Variants in TAFA5 observed in about 807,000 individuals in gnomAD.
TAFA5 encodes the protein chemokine-like protein TAFA-5.
In TAFA5, 6 loss-of-function variants were observed where a neutral mutation model predicts 15.3. That is an observed-to-expected ratio of 0.39 (90% CI 0.21 to 0.77). The LOEUF (loss-of-function observed/expected upper bound fraction) is 0.77, where lower values mean the gene tolerates loss of function less well. TAFA5 is among the 30% of genes least tolerant of loss of function. The pLI is 0.41. For missense variants in TAFA5, 161 were observed against 193.1 expected, an observed-to-expected ratio of 0.83 and a Z score of 0.98; for synonymous variants, 103 against 80.7, an observed-to-expected ratio of 1.28 and a Z score of -1.48.
chr22:48,531,962 G>C (rs577629751), intron 1 of TAFA5, among the ~76,000 whole-genome samples: 1 of 152,258 alleles, frequency 6.6e-6, no homozygotes, highest in African/African-American at 2.4e-5. Context: ...TGCCGGCACA[G>C]CTGGTGACGC....
At chr22:48,576,629 T>C (rs930444681) in intron 1 of TAFA5, 13 of 1,305,922 alleles carry the variant, frequency 1.0e-5, no homozygotes, top group African/African-American at 9.2e-5. Flanking sequence ...TCGCGGCGGC[T>C]CCGGCGCCCG....
chr22:48,582,575 A>G (rs1185665482), intron 1 of TAFA5, among the ~76,000 whole-genome samples: 2 of 150,648 alleles, frequency 1.3e-5, no homozygotes, highest in East Asian at 2.0e-4. Flanking sequence ...CACACAAAAT[A>G]CGCCACATAC....
At position 48,544,174 on chromosome 22, in the gene TAFA5, C is replaced by T. The variant is rs140633126; in HGVS notation, c.112+54470C>T. Reference sequence around the variant, plus strand: ...GTGTGCACCCTGGGGTGGGGTCTTCCCTTCAGGTCCCATGGTTTACATACC... The same window carrying T: ...GTGTGCACCCTGGGGTGGGGTCTTCTCTTCAGGTCCCATGGTTTACATACC... On this transcript the variant is annotated intron_variant, in intron 1 of 3. Transcript: ENST00000402357. 2.3e-3 allele frequency: 385 copies of T among 164,558 alleles called. 1 individual carries two copies. Among genetic ancestry groups the T allele is most frequent in the African/African-American group, 8.7e-3 (366 of 42,144 alleles). 10.2% of individuals were successfully genotyped at this position (164,558 alleles called of 1,614,324 possible).
intron 1 of TAFA5, among the ~76,000 whole-genome samples, chr22:48,600,228 G>T (rs1375280224): frequency 6.6e-6 from 1 of 152,216 alleles, no homozygotes; most frequent in African/African-American, 2.4e-5. Context: ...GATAAGTGAG[G>T]ATGTGGTGAA....
chr22:48,544,115 G>T (rs1358500245), intron 1 of TAFA5: 2 of 155,706 alleles, frequency 1.3e-5, no homozygotes, highest in East Asian at 3.9e-4. Context: ...CCGTTGGCCA[G>T]AGCTGTCAGC....
intron 1 of TAFA5, among the ~76,000 whole-genome samples, chr22:48,584,816 C>T (rs1186272149): frequency 6.6e-6 from 1 of 150,526 alleles, no homozygotes; most frequent in Non-Finnish European, 1.5e-5. Context: ...ATACAGCACA[C>T]ACGCATACAC....
Position 48,707,778 on chromosome 22 carries a change from C to T in TAFA5, c.324C>T (p.Cys108=), listed in dbSNP as rs372988376. 1.5e-4 allele frequency: 239 copies of T among 1,613,910 alleles called. No individual in the cohort carries two copies. The African/African-American group carries it at 2.3e-3, about 16-fold the overall frequency. The change falls in exon 3 of 4, where the codon TGC becomes TGT. Residue 108 remains cysteine, a synonymous_variant. Coordinates refer to ENST00000402357, the MANE Select transcript of TAFA5 (RefSeq NM_001082967.3). ...TTCCGTGTCTGGAGGGGGAAGGCTG[C>T]GACTTGTTAATCAACCGGTCAGGCT... ...DMLPCLEGEG[C]DLLINRSGWT... is the part of the protein sequence containing the mutation.
At chr22:48,674,888 A>T (rs1280762420) in intron 2 of TAFA5, among the ~76,000 whole-genome samples, 1 of 151,324 alleles carries the variant, frequency 6.6e-6, no homozygotes, top group Admixed American at 6.6e-5. Context: ...GACAGAGACG[A>T]GGCTGAGATA....
chr22:48,634,683 AATCAC>A (rs1926381862), intron 1 of TAFA5, among the ~76,000 whole-genome samples: 2 of 152,110 alleles, frequency 1.3e-5, no homozygotes, highest in Non-Finnish European at 2.9e-5. Flanking sequence ...TCACTCAGTC[AATCAC>A]TCAGTCAGTC....
chr22:48,577,187 G>A (rs1923843644), intron 1 of TAFA5, among the ~76,000 whole-genome samples: 1 of 152,264 alleles, frequency 6.6e-6, no homozygotes, highest in South Asian at 2.1e-4. Flanking sequence ...GGGCAGTCTG[G>A]GACTATTGAG....
chr22:48,605,618 C>A (rs1023001597), intron 1 of TAFA5, among the ~76,000 whole-genome samples: 1 of 152,082 alleles, frequency 6.6e-6, no homozygotes, highest in African/African-American at 2.4e-5. Context: ...ATTTTACCTG[C>A]GAGATATCTG....
intron 1 of TAFA5, among the ~76,000 whole-genome samples, chr22:48,579,924 C>G (rs1179705071): frequency 2.0e-5 from 3 of 152,186 alleles, no homozygotes; most frequent in African/African-American, 7.2e-5. Flanking sequence ...GTGCCTCTTT[C>G]CTTTAAATGT....
chr22:48,688,005 G>GA (rs1202409263), intron 2 of TAFA5, among the ~76,000 whole-genome samples: 2 of 149,186 alleles, frequency 1.3e-5, no homozygotes, highest in Admixed American at 1.3e-4. Flanking sequence ...TGATTAGAGG[G>GA]TTTTTTTTTT....
At chr22:48,525,214 T>C (rs888961935) in intron 1 of TAFA5, among the ~76,000 whole-genome samples, 2 of 152,132 alleles carry the variant, frequency 1.3e-5, no homozygotes, top group African/African-American at 4.8e-5. Flanking sequence ...ATTCACAGGC[T>C]CCAGAGATTA....
rs190962713 is a variant in TAFA5 at position 48,524,658 on chromosome 22, G to A, written c.112+34954G>A. Among the ~76,000 whole-genome samples the A allele has an allele frequency of 6.1e-4, 93 of 152,266 alleles. No individual in the cohort carries two copies. In the South Asian group the frequency reaches 8.1e-3, roughly 13 times the overall value. ...TGGTTAGTTCTCACACGCAGGATCC[G>A]GCACACACGCCATCTCGACAAGGAT... On this transcript the variant is annotated intron_variant, in intron 1 of 3. Transcript: ENST00000402357.
At chr22:48,617,655 T>G (rs1344245034) in intron 1 of TAFA5, among the ~76,000 whole-genome samples, 3 of 152,218 alleles carry the variant, frequency 2.0e-5, no homozygotes, top group East Asian at 3.9e-4. Flanking sequence ...AGAGTCTGTC[T>G]CCGCGTCTAT....
chr22:48,550,696 C>T lies in TAFA5; in HGVS notation c.112+60992C>T, dbSNP rs562309146. Reference sequence around the variant, plus strand: ...AGGTGAGGTGGCTTGCCTGGGACCACACAGTGGTTGGGTGTGGAGTCCGGA... The same window carrying T: ...AGGTGAGGTGGCTTGCCTGGGACCATACAGTGGTTGGGTGTGGAGTCCGGA... On this transcript the variant is annotated intron_variant, in intron 1 of 3. Coordinates refer to ENST00000402357, the MANE Select transcript of TAFA5 (RefSeq NM_001082967.3). This position sits in a 1 kb window ranked among gnomAD's most constrained non-coding sequence, Gnocchi z 4.1. Among the ~76,000 whole-genome samples, 14 of 152,260 alleles carry T rather than the reference C, an allele frequency of 9.2e-5. No homozygotes were observed. The highest frequency in any genetic ancestry group is 3.4e-4 in the African/African-American group (14 of 41,554).
At chr22:48,692,566 AC>A (rs1465124566) in intron 2 of TAFA5, among the ~76,000 whole-genome samples, 1 of 152,194 alleles carries the variant, frequency 6.6e-6, no homozygotes, top group Non-Finnish European at 1.5e-5. Context: ...GCCTGCCCTT[AC>A]CTGGTTTTTG....
rs554226385 is a variant in TAFA5 at position 48,749,741 on chromosome 22, G to A, written c.391-98G>A. ...TTCGTTTCAGGCCCTCCAGGAGGCCGGCTGGCAGGAGCCGGGGAGGGAAGA... is the reference window on the plus strand; with the variant it reads ...TTCGTTTCAGGCCCTCCAGGAGGCCAGCTGGCAGGAGCCGGGGAGGGAAGA... On this transcript the variant is annotated intron_variant, in intron 3 of 3. Coordinates refer to ENST00000402357, the MANE Select transcript of TAFA5 (RefSeq NM_001082967.3). 24 of 1,416,460 alleles carry A rather than the reference G, an allele frequency of 1.7e-5. No individual in the cohort carries two copies. The South Asian group carries it at 2.1e-4, about 12-fold the overall frequency. The allele number at this position is 1,416,460 out of a possible 1,614,324, so 87.7% of individuals were successfully genotyped here.
Sources: allele counts gnomAD v4.1 joint callset (sites outside exome capture counted in the v4.1 genomes callset), GRCh38; gene constraint gnomAD v4.1.1; non-coding constraint Gnocchi (gnomAD v3.1); transcripts MANE v1.5; gene names NCBI Gene and HGNC (gene_info 2026-07-23, HGNC 2026-07-21).